The following ALK variants were observed in gnomAD, a reference collection of about 807,000 sequenced individuals.
ALK encodes the protein ALK tyrosine kinase receptor.
A neutral mutation model predicts 163.1 loss-of-function variants in ALK; 74 were observed. The observed-to-expected ratio is 0.45, with a 90% CI of 0.38 to 0.55. The LOEUF is 0.55. ALK is among the 20% of genes least tolerant of loss of function. ALK has a pLI of 0.00. For synonymous variants in ALK, 960 were observed against 843.2 expected, an observed-to-expected ratio of 1.14 and a Z score of -2.40; for missense variants, 2,063 against 2,105.3, an observed-to-expected ratio of 0.98 and a Z score of 0.39.
chr2:29,450,720 A>G (rs1490593158), intron 4 of ALK, among the ~76,000 whole-genome samples: 1 of 152,166 alleles, frequency 6.6e-6, no homozygotes, highest in Non-Finnish European at 1.5e-5. Context: ...GAGAGGAACA[A>G]TTTTCATGTT....
intron 9 of ALK, among the ~76,000 whole-genome samples, chr2:29,288,283 A>G (rs903946380): frequency 6.6e-6 from 1 of 152,096 alleles, no homozygotes. Context: ...AGGCTCATTG[A>G]CCGGGTTTCT....
chr2:29,201,659 C>T (rs745754263), intron 26 of ALK, among the ~76,000 whole-genome samples: 5 of 152,002 alleles, frequency 3.3e-5, no homozygotes, highest in East Asian at 1.9e-4. Flanking sequence ...TGGTAGCACG[C>T]GTCTGTAATC....
At chr2:29,743,018 T>C (rs1399939906) in intron 1 of ALK, among the ~76,000 whole-genome samples, 1 of 152,130 alleles carries the variant, frequency 6.6e-6, no homozygotes. Context: ...AAAACTCCAA[T>C]ATCCTAGGGA....
chr2:29,522,651 G>A (rs1163301071), intron 4 of ALK, among the ~76,000 whole-genome samples: 1 of 152,074 alleles, frequency 6.6e-6, no homozygotes, highest in African/African-American at 2.4e-5. Flanking sequence ...TCAGAGGAGG[G>A]GACATTGCAT....
chr2:29,773,542 G>A (rs185612701), intron 1 of ALK, among the ~76,000 whole-genome samples: 3 of 152,280 alleles, frequency 2.0e-5, no homozygotes, highest in Non-Finnish European at 2.9e-5. Flanking sequence ...ACTGATGACC[G>A]CAAAGGGCAA....
At chr2:29,645,559 A>G (rs1188907094) in intron 3 of ALK, among the ~76,000 whole-genome samples, 1 of 152,148 alleles carries the variant, frequency 6.6e-6, no homozygotes, top group Non-Finnish European at 1.5e-5. Flanking sequence ...TTTTCGCTTT[A>G]CAAATGAGAA....
intron 4 of ALK, among the ~76,000 whole-genome samples, chr2:29,449,165 G>A (rs1453897090): frequency 6.6e-6 from 1 of 152,120 alleles, no homozygotes; most frequent in East Asian, 1.9e-4. Context: ...CATATATTAA[G>A]CAGCTACTAA....
chr2:29,302,912 T>C (rs1347094964), intron 8 of ALK, among the ~76,000 whole-genome samples: 2 of 152,150 alleles, frequency 1.3e-5, no homozygotes, highest in African/African-American at 2.4e-5. Context: ...CATCAAACTA[T>C]AAAAATCCTA....
At chr2:29,580,693 T>A (rs867919930) in intron 3 of ALK, among the ~76,000 whole-genome samples, 16 of 152,204 alleles carry the variant, frequency 1.1e-4, no homozygotes, top group Non-Finnish European at 7.3e-5. Context: ...GCTAAACAGA[T>A]GTGGAGCGGA....
At chr2:29,866,386 G>A (rs1474245279) in intron 1 of ALK, among the ~76,000 whole-genome samples, 1 of 152,314 alleles carries the variant, frequency 6.6e-6, no homozygotes, top group South Asian at 2.1e-4. Context: ...GACACGCAAT[G>A]CTCAGAGAAG....
At chr2:29,883,882 T>G (rs1666926191) in intron 1 of ALK, among the ~76,000 whole-genome samples, 1 of 152,202 alleles carries the variant, frequency 6.6e-6, no homozygotes, top group Admixed American at 6.5e-5. Context: ...GAAAAAGTTA[T>G]GTATGTTATG....
At chr2:29,916,575 G>A (rs2148440637) in intron 1 of ALK, among the ~76,000 whole-genome samples, 1 of 152,342 alleles carries the variant, frequency 6.6e-6, no homozygotes, top group East Asian at 1.9e-4. Context: ...GAAATGGGAA[G>A]GGACTGACAG....
Position 29,750,099 on chromosome 2 carries a change from T to C in ALK, c.668-32402A>G, listed in dbSNP as rs549193912. Among the ~76,000 whole-genome samples the C allele has an allele frequency of 5.3e-5, 8 of 152,320 alleles. No individual in the cohort carries two copies. The East Asian group carries it at 1.5e-3, about 29-fold the overall frequency. Reference sequence around the variant, plus strand: ...GACAGCACATCCGCCGAGGGCATGATTGCATGGGACTCGAGAAGTATAGTA... The same window carrying C: ...GACAGCACATCCGCCGAGGGCATGACTGCATGGGACTCGAGAAGTATAGTA... On this transcript the variant is annotated intron_variant, in intron 1 of 28. Coordinates refer to ENST00000389048, the MANE Select transcript of ALK (RefSeq NM_004304.5).
At chr2:29,209,542 C>CAAAAAA (rs76343130) in intron 25 of ALK, among the ~76,000 whole-genome samples, 4 of 80,150 alleles carry the variant, frequency 5.0e-5, no homozygotes, top group Non-Finnish European at 1.2e-4. Flanking sequence ...AACTCCGTCT[C>CAAAAAA]AAAAAAAAAA....
At chr2:29,886,819 G>A (rs1027884579) in intron 1 of ALK, among the ~76,000 whole-genome samples, 19 of 152,166 alleles carry the variant, frequency 1.2e-4, no homozygotes, top group African/African-American at 4.1e-4. Context: ...ACAGCACAGC[G>A]CTTAGCTCAA....
intron 3 of ALK, among the ~76,000 whole-genome samples, chr2:29,559,081 G>A (rs374383804): frequency 2.0e-5 from 3 of 152,174 alleles, no homozygotes; most frequent in African/African-American, 7.2e-5. Flanking sequence ...GAAGAACCTT[G>A]AAGGGTTCAG....
chr2:29,281,420 C>T (rs976085851), intron 9 of ALK, among the ~76,000 whole-genome samples: 1 of 152,182 alleles, frequency 6.6e-6, no homozygotes, highest in African/African-American at 2.4e-5. Flanking sequence ...TCTGTGTTGC[C>T]TAAGAACGTG....
intron 1 of ALK, among the ~76,000 whole-genome samples, chr2:29,725,276 T>A (rs1283434333): frequency 6.6e-6 from 1 of 151,342 alleles, no homozygotes; most frequent in Non-Finnish European, 1.5e-5. Flanking sequence ...CCATTCAGAA[T>A]CCTTCCTTTC....
At chr2:29,384,102 A>G (rs528378188) in intron 4 of ALK, among the ~76,000 whole-genome samples, 1 of 152,306 alleles carries the variant, frequency 6.6e-6, no homozygotes, top group East Asian at 1.9e-4. Context: ...CACCACTGGC[A>G]TTCCTTTTGT....
Sources: allele counts gnomAD v4.1 joint callset (sites outside exome capture counted in the v4.1 genomes callset), GRCh38; gene constraint gnomAD v4.1.1; transcripts MANE v1.5; gene names NCBI Gene and HGNC (gene_info 2026-07-23, HGNC 2026-07-21).